Variants in RBFOX1 observed in about 807,000 individuals in gnomAD.
The protein encoded by RBFOX1 is RNA binding fox-1 homolog 1, also known as RNA binding protein fox-1 homolog 1.
In RBFOX1, 8 loss-of-function variants were observed where a neutral mutation model predicts 57.7. That is an observed-to-expected ratio of 0.14 (90% confidence interval 0.08 to 0.25). RBFOX1 has a LOEUF of 0.25. RBFOX1 is among the 10% of genes least tolerant of loss of function. The pLI, the probability that RBFOX1 is intolerant of heterozygous loss-of-function variation, is 1.00. For synonymous variants in RBFOX1, 326 were observed against 222.4 expected (o/e 1.47, Z -4.15); for missense variants, 611 against 548.5 (o/e 1.11, Z -1.14).
intron 1 of RBFOX1, among the ~76,000 whole-genome samples, chr16:6,256,709 C>T (rs961101108): frequency 3.3e-5 from 5 of 152,122 alleles, no homozygotes; most frequent in African/African-American, 1.2e-4. Flanking sequence ...GCATCCCCGG[C>T]TGCCACTCAT....
At chr16:7,317,644 C>T (rs62014051) in intron 4 of RBFOX1, among the ~76,000 whole-genome samples, 69,765 of 151,876 alleles carry the variant, frequency 0.46, 18,201 homozygotes, top group East Asian at 0.85. Context: ...ATGAAATGTC[C>T]ACTGAGCAGT....
intron 3 of RBFOX1, among the ~76,000 whole-genome samples, chr16:5,661,388 C>G (rs746424625): frequency 6.6e-6 from 1 of 152,158 alleles, no homozygotes; most frequent in Non-Finnish European, 1.5e-5. Flanking sequence ...ATATAAGCCA[C>G]AGTAAGTTGT....
intron 3 of RBFOX1, among the ~76,000 whole-genome samples, chr16:6,849,074 G>A (rs1466121687): frequency 6.6e-6 from 1 of 152,148 alleles, no homozygotes; most frequent in African/African-American, 2.4e-5. Flanking sequence ...GTAAACAGCT[G>A]TCCTCAAGAG....
chr16:5,876,848 A>C (rs1176209172), intron 4 of RBFOX1, among the ~76,000 whole-genome samples: 1 of 152,198 alleles, frequency 6.6e-6, no homozygotes, highest in African/African-American at 2.4e-5. Flanking sequence ...GCATAATTCC[A>C]AGGATTCACC....
intron 3 of RBFOX1, among the ~76,000 whole-genome samples, chr16:7,036,709 A>G (rs1215077555): frequency 7.4e-6 from 1 of 134,546 alleles, no homozygotes; most frequent in Non-Finnish European, 1.7e-5. Flanking sequence ...AAACAAACAA[A>G]CAAAAAAAAC....
intron 1 of RBFOX1, among the ~76,000 whole-genome samples, chr16:6,138,638 C>G (rs993774185): frequency 6.6e-6 from 1 of 151,994 alleles, no homozygotes; most frequent in Non-Finnish European, 1.5e-5. Context: ...GAGGCTGAGG[C>G]GGACAGATCA....
chr16:7,164,774 C>G (rs903782630), intron 4 of RBFOX1, among the ~76,000 whole-genome samples: 1 of 152,160 alleles, frequency 6.6e-6, no homozygotes, highest in African/African-American at 2.4e-5. Context: ...AAAAATCCAC[C>G]TTCTGATCAA....
chr16:7,380,489 C>T (rs900712678), intron 4 of RBFOX1, among the ~76,000 whole-genome samples: 1 of 152,188 alleles, frequency 6.6e-6, no homozygotes, highest in Non-Finnish European at 1.5e-5. Context: ...GTACTTCAGT[C>T]TTAACATCTG....
intron 4 of RBFOX1, among the ~76,000 whole-genome samples, chr16:7,076,529 C>A (rs1365906161): frequency 6.6e-6 from 1 of 152,008 alleles, no homozygotes; most frequent in Non-Finnish European, 1.5e-5. Context: ...ATGCCATATC[C>A]CTTCTCACTT....
intron 3 of RBFOX1, among the ~76,000 whole-genome samples, chr16:5,850,810 G>A (rs191710200): frequency 1.3e-5 from 2 of 152,194 alleles, no homozygotes; most frequent in Non-Finnish European, 1.5e-5. Flanking sequence ...AAAGGGCCCC[G>A]GGCCAGGTGT....
chr16:6,750,082 A>C (rs2074622917), intron 3 of RBFOX1, among the ~76,000 whole-genome samples: 1 of 152,110 alleles, frequency 6.6e-6, no homozygotes, highest in Non-Finnish European at 1.5e-5. Context: ...ATTTCAGTCG[A>C]GGTGTATAGG....
At chr16:7,443,250 T>C (rs2098783128) in intron 4 of RBFOX1, among the ~76,000 whole-genome samples, 1 of 152,118 alleles carries the variant, frequency 6.6e-6, no homozygotes, top group Admixed American at 6.6e-5. Context: ...ATTTCTCCAG[T>C]TTGATTCATA....
chr16:5,923,750 A>G (rs1167877149), intron 4 of RBFOX1, among the ~76,000 whole-genome samples: 2 of 152,000 alleles, frequency 1.3e-5, no homozygotes, highest in African/African-American at 2.4e-5. Context: ...CATGTTGGCC[A>G]GACTGGTCTC....
chr16:6,513,339 A>G (rs1172842817), intron 2 of RBFOX1, among the ~76,000 whole-genome samples: 1 of 152,168 alleles, frequency 6.6e-6, no homozygotes, highest in Non-Finnish European at 1.5e-5. Context: ...CTTGTTGTCT[A>G]ACTTTGTGCT....
intron 3 of RBFOX1, among the ~76,000 whole-genome samples, chr16:6,673,158 C>T (rs547340550): frequency 3.3e-5 from 5 of 152,332 alleles, no homozygotes; most frequent in Admixed American, 2.0e-4. Context: ...GATGTCTACA[C>T]TTCCCAGGCT....
At chr16:6,351,322 ACG>A (rs1491241643) in intron 2 of RBFOX1, among the ~76,000 whole-genome samples, 393 of 128,952 alleles carry the variant, frequency 3.0e-3, no homozygotes, top group African/African-American at 0.011. Flanking sequence ...TATATATATA[ACG>A]TGTGTGTGTG....
In RBFOX1 at chr16:6,462,264, A is replaced by G. The variant is rs73540078; in HGVS notation, c.-64+145207A>G. Among the ~76,000 whole-genome samples the G allele has an allele frequency of 6.2e-3, 946 of 152,280 alleles. 14 individuals carry two copies. The highest frequency in any genetic ancestry group is 0.022 in the African/African-American group (905 of 41,568). On this transcript the variant is annotated intron_variant, in intron 2 of 15. Transcript: ENST00000550418. ...TCTGGGAGGGGCAGAATTTCCATTG[A>G]CAGCCTGATGCATGCTCTTCTGTAT... is the stretch of plus-strand genomic sequence containing the variant.
chr16:7,617,187 G>A (rs1156810607), intron 10 of RBFOX1, among the ~76,000 whole-genome samples: 2 of 152,238 alleles, frequency 1.3e-5, no homozygotes, highest in East Asian at 1.9e-4. Flanking sequence ...ACTTATCACT[G>A]TAGGCACAGA....
At chr16:5,709,947 C>G (rs576479042) in intron 3 of RBFOX1, among the ~76,000 whole-genome samples, 1 of 143,352 alleles carries the variant, frequency 7.0e-6, no homozygotes, top group South Asian at 2.3e-4. Flanking sequence ...AGATGAGCAC[C>G]TGAGAGATGA....
Sources: allele counts gnomAD v4.1 joint callset (sites outside exome capture counted in the v4.1 genomes callset), GRCh38; gene constraint gnomAD v4.1.1; transcripts MANE v1.5; gene names NCBI Gene and HGNC (gene_info 2026-07-23, HGNC 2026-07-21).